UBXN2B: variants seen among roughly 807,000 people sequenced by gnomAD.
UBXN2B encodes the protein UBX domain protein 2B.
A neutral mutation model predicts 37.5 loss-of-function variants in UBXN2B; 19 were observed. The ratio of observed to expected loss-of-function variants is 0.51; its 90% confidence interval spans 0.35 to 0.74. The LOEUF (loss-of-function observed/expected upper bound fraction) is 0.74. Among genes scored for constraint, UBXN2B ranks in the 30% least tolerant of loss-of-function variants. The pLI, the probability that UBXN2B is intolerant of heterozygous loss-of-function variation, is 0.01. For missense variants in UBXN2B, 370 were observed against 393.2 expected (o/e 0.94, Z 0.50); for synonymous variants, 145 against 143.8 (o/e 1.01, Z -0.06).
At chr8:58,426,287 A>C in intron 2 of UBXN2B, 1 of 507,780 alleles carries the variant, frequency 2.0e-6, no homozygotes, top group East Asian at 3.5e-5. Context: ...GCTCACTGTA[A>C]GCTCCGCCTG....
At chr8:58,416,312 G>A (rs1286524403) in intron 1 of UBXN2B, among the ~76,000 whole-genome samples, 1 of 151,780 alleles carries the variant, frequency 6.6e-6, no homozygotes, top group Non-Finnish European at 1.5e-5. Flanking sequence ...TTTCTAAATG[G>A]TATATAAACC....
chr8:58,426,882 C>T (rs1275578006), intron 2 of UBXN2B, among the ~76,000 whole-genome samples: 1 of 152,068 alleles, frequency 6.6e-6, no homozygotes, highest in Non-Finnish European at 1.5e-5. Flanking sequence ...GCTTGCTCCT[C>T]CTCCCTGTAA....
intron 2 of UBXN2B, among the ~76,000 whole-genome samples, chr8:58,429,208 A>ATTCCTCGTTTCCAGGGCACTCC (rs1222824150): frequency 6.6e-6 from 1 of 152,208 alleles, no homozygotes; most frequent in Non-Finnish European, 1.5e-5. Flanking sequence ...GGTGACTTCC[A>ATTCCTCGTTTCCAGGGCACTCC]TTCCTCGTTT....
chr8:58,427,356 G>A (rs1045744022), intron 2 of UBXN2B, among the ~76,000 whole-genome samples: 1 of 152,126 alleles, frequency 6.6e-6, no homozygotes, highest in Non-Finnish European at 1.5e-5. Flanking sequence ...CCAACTGCTC[G>A]GGAGGCTGAA....
At chr8:58,417,016 T>TA in intron 2 of UBXN2B, 63 bp downstream of exon 2, 3 of 1,341,034 alleles carry the variant, frequency 2.2e-6, no homozygotes, top group Non-Finnish European at 3.0e-6. Flanking sequence ...TTTACTAACT[T>TA]CAAATTATTT....
At chr8:58,444,013 T>C (rs1386114069) in intron 6 of UBXN2B, among the ~76,000 whole-genome samples, 1 of 152,190 alleles carries the variant, frequency 6.6e-6, no homozygotes, top group Non-Finnish European at 1.5e-5. Context: ...TCAAATGTTA[T>C]TATTCCATAT....
At chr8:58,424,618 G>T in intron 2 of UBXN2B, 1 of 1,152,226 alleles carries the variant, frequency 8.7e-7, no homozygotes, top group Non-Finnish European at 1.3e-6. Flanking sequence ...GTTGCATCAG[G>T]CCCACGTTTT....
chr8:58,437,027 G>A (rs946396292), intron 5 of UBXN2B, among the ~76,000 whole-genome samples: 1 of 152,238 alleles, frequency 6.6e-6, no homozygotes, highest in Non-Finnish European at 1.5e-5. Context: ...GTAATAGGCA[G>A]TGGTTGGAAG....
At chr8:58,425,433 T>C (rs1244191152) in intron 2 of UBXN2B, 2 of 1,137,998 alleles carry the variant, frequency 1.8e-6, no homozygotes, top group African/African-American at 3.0e-5. Flanking sequence ...TGGTTTCAAA[T>C]TTGGGCATGA....
intron 2 of UBXN2B, chr8:58,425,053 T>G: frequency 1.3e-6 from 1 of 781,610 alleles, no homozygotes; most frequent in Non-Finnish European, 2.4e-6. Flanking sequence ...GTGCACCTCC[T>G]CCAGGAAGTC....
intron 1 of UBXN2B, among the ~76,000 whole-genome samples, chr8:58,414,335 A>G (rs1807717101): frequency 6.6e-6 from 1 of 152,208 alleles, no homozygotes; most frequent in Non-Finnish European, 1.5e-5. Context: ...GTGTCTGTAT[A>G]ATAATCATTT....
intron 6 of UBXN2B, among the ~76,000 whole-genome samples, chr8:58,441,348 CAT>C (rs33952664): frequency 0.38 from 40,008 of 104,526 alleles, 7,554 homozygotes; most frequent in Admixed American, 0.55. Flanking sequence ...TTGTGATCAA[CAT>C]ATATATATAT....
chr8:58,426,399 G>T, intron 2 of UBXN2B: 3 of 531,976 alleles, frequency 5.6e-6, no homozygotes, highest in South Asian at 3.7e-5. Context: ...TAGTAGAGAC[G>T]GGGTTTCACC....
intron 2 of UBXN2B, chr8:58,424,689 G>C (rs913534393): frequency 5.4e-5 from 69 of 1,275,764 alleles, no homozygotes; most frequent in Non-Finnish European, 6.1e-5. Context: ...GTACAAGGCG[G>C]GGGGGGGGGC....
chr8:58,424,694 G>C lies in UBXN2B; in HGVS notation c.189-5825G>C, dbSNP rs560545823. On this transcript the variant is annotated intron_variant, in intron 2 of 7. Coordinates refer to ENST00000399598, the MANE Select transcript of UBXN2B (RefSeq NM_001077619.2). ...TGGAGTTGGAGTACAAGGCGGGGGG[G>C]GGGGCTCTGATCTCCACTCGTCTGG... 641 of 1,333,498 alleles carry C rather than the reference G, an allele frequency of 4.8e-4. 6 individuals are homozygous for C. The African/African-American group carries it at 6.6e-3, about 14-fold the overall frequency. 82.6% of individuals were successfully genotyped at this position (1,333,498 alleles called of 1,614,324 possible). A position where few individuals can be genotyped will look rare whatever the true frequency, so the allele number is the denominator to read the frequency against.
At chr8:58,425,731 G>T in intron 2 of UBXN2B, 2 of 1,169,058 alleles carry the variant, frequency 1.7e-6, no homozygotes, top group Non-Finnish European at 2.6e-6. Context: ...GGGGCTACGT[G>T]AGTTGTAGTA....
intron 2 of UBXN2B, chr8:58,426,143 G>A (rs1808078152): frequency 1.9e-6 from 2 of 1,065,914 alleles, no homozygotes; most frequent in African/African-American, 1.6e-5. Flanking sequence ...GACCAACTCA[G>A]CCAAAGTGGA....
chr8:58,416,727 C>A, intron 1 of UBXN2B, 123 bp from the exon 2 acceptor site: 1 of 677,868 alleles, frequency 1.5e-6, no homozygotes, highest in Admixed American at 3.7e-5. Context: ...TCTGAAGCAG[C>A]AGCTTTTTTC....
chr8:58,430,421 T>C (rs571692173), intron 2 of UBXN2B, 98 bp from the exon 3 acceptor site: 310 of 884,602 alleles, frequency 3.5e-4, no homozygotes, highest in Non-Finnish European at 4.5e-4. Flanking sequence ...TGCCTCTTTT[T>C]AAATAAAATA....
Sources: allele counts gnomAD v4.1 joint callset (sites outside exome capture counted in the v4.1 genomes callset), GRCh38; gene constraint gnomAD v4.1.1; transcripts MANE v1.5; gene names NCBI Gene and HGNC (gene_info 2026-07-23, HGNC 2026-07-21).